Variants in FMN2 observed in about 807,000 individuals in gnomAD.
FMN2 encodes formin-2.
Under a neutral mutation model 142.3 loss-of-function variants are expected in FMN2, and 51 were observed. The observed-to-expected ratio is 0.36, with a 90% CI of 0.29 to 0.45. The LOEUF (loss-of-function observed/expected upper bound fraction) is 0.45, where lower values mean the gene tolerates loss of function less well. FMN2 is among the 20% of genes least tolerant of loss of function. The pLI is 1.00. For synonymous variants in FMN2, 882 were observed against 869.8 expected, an observed-to-expected ratio of 1.01 and a Z score of -0.25; for missense variants, 1,936 against 2,122.8, an observed-to-expected ratio of 0.91 and a Z score of 1.73.
intron 6 of FMN2, among the ~76,000 whole-genome samples, chr1:240,220,593 C>A (rs1483541503): frequency 6.6e-6 from 1 of 151,926 alleles, no homozygotes; most frequent in East Asian, 1.9e-4. Flanking sequence ...ATGTGGTGTC[C>A]CCAGGAAAGC....
intron 16 of FMN2, among the ~76,000 whole-genome samples, chr1:240,454,440 G>T (rs891057140): frequency 1.3e-5 from 2 of 152,136 alleles, no homozygotes; most frequent in Non-Finnish European, 2.9e-5. Flanking sequence ...TACTCAGGAG[G>T]CTGAGGCATG....
intron 15 of FMN2, among the ~76,000 whole-genome samples, chr1:240,430,656 T>TA (rs1406487684): frequency 6.6e-6 from 1 of 151,670 alleles, no homozygotes; most frequent in African/African-American, 2.4e-5. Flanking sequence ...TATTTTTTTT[T>TA]ATTGGAGTAA....
intron 8 of FMN2, among the ~76,000 whole-genome samples, chr1:240,302,199 TTC>T (rs1670224919): frequency 6.6e-6 from 1 of 152,114 alleles, no homozygotes; most frequent in African/African-American, 2.4e-5. Flanking sequence ...TCATTAATAG[TTC>T]TTTTTTTGAG....
intron 2 of FMN2, among the ~76,000 whole-genome samples, chr1:240,137,397 A>G (rs1315387391): frequency 1.3e-5 from 2 of 152,204 alleles, no homozygotes; most frequent in Admixed American, 6.5e-5. Flanking sequence ...GCCACGGACA[A>G]TACGCCACTA....
chr1:240,191,410 A>G (rs949519646), intron 4 of FMN2, among the ~76,000 whole-genome samples: 8 of 152,076 alleles, frequency 5.3e-5, no homozygotes, highest in Non-Finnish European at 1.0e-4. Flanking sequence ...GACTGTAGCT[A>G]CTCCTTGAAT....
chr1:240,366,404 G>A (rs753266092), intron 14 of FMN2, among the ~76,000 whole-genome samples: 1 of 152,052 alleles, frequency 6.6e-6, no homozygotes, highest in Non-Finnish European at 1.5e-5. Flanking sequence ...AGCATACCCT[G>A]CTGCAACTTA....
intron 8 of FMN2, among the ~76,000 whole-genome samples, chr1:240,317,187 G>A (rs906896902): frequency 1.3e-5 from 2 of 152,044 alleles, no homozygotes; most frequent in African/African-American, 2.4e-5. Context: ...GTGGTGGCAC[G>A]CACCTGTAGT....
intron 6 of FMN2, among the ~76,000 whole-genome samples, 199 bp from the exon 7 acceptor site, chr1:240,257,746 A>G (rs187342635): frequency 3.9e-4 from 60 of 152,278 alleles, no homozygotes; most frequent in African/African-American, 1.3e-3. Context: ...ATGGGGGAAA[A>G]TGGTGGATTT....
At chr1:240,432,415 G>T (rs1278554204) in intron 15 of FMN2, among the ~76,000 whole-genome samples, 1 of 151,848 alleles carries the variant, frequency 6.6e-6, no homozygotes, top group East Asian at 1.9e-4. Flanking sequence ...CTGGGTAGGG[G>T]TTTATCAATT....
intron 13 of FMN2, among the ~76,000 whole-genome samples, chr1:240,336,582 A>AC (rs144682452): frequency 9.8e-6 from 1 of 101,842 alleles, no homozygotes; most frequent in African/African-American, 3.3e-5. Context: ...AAAAAAAAAA[A>AC]GGTGGTTGCA....
chr1:240,208,453 G>A lies in FMN2; in HGVS notation c.3641G>A (p.Gly1214Asp). The change falls in exon 5 of 18, where the codon GGT (glycine) becomes GAT (aspartate). Residue 1214 changes from glycine (G) to aspartate (D), a missense_variant. Gly to Asp is a moderately conservative substitution (Grantham distance 94). Coordinates refer to ENST00000319653, the MANE Select transcript of FMN2 (RefSeq NM_020066.5). ...AGIPPPPPLPGMGIPPAPAPP... is the reference protein window; with the variant it reads ...AGIPPPPPLPDMGIPPAPAPP... Reference sequence around the variant, plus strand: ...ATTCCCCCACCTCCTCCCTTGCCAGGTATGGGGATTCCACCTGCTCCAGCT... The same window carrying A: ...ATTCCCCCACCTCCTCCCTTGCCAGATATGGGGATTCCACCTGCTCCAGCT... 6.2e-7 allele frequency: 1 copy of A among 1,607,930 alleles called. No individual in the cohort carries two copies. The highest frequency in any genetic ancestry group is 8.5e-7 in the Non-Finnish European group (1 of 1,177,896).
rs746217458 is a variant in FMN2, at chr1:240,208,443, C to T, written c.3631C>T (p.Pro1211Ser). The T allele has an allele frequency of 8.1e-6, 13 of 1,608,410 alleles. No homozygotes were observed. Among genetic ancestry groups the T allele is most frequent in the African/African-American group, 1.4e-5 (1 of 73,866 alleles). ...TGGTGCTGGGATTCCCCCACCTCCTCCCTTGCCAGGTATGGGGATTCCACC... is the reference window on the plus strand; with the variant it reads ...TGGTGCTGGGATTCCCCCACCTCCTTCCTTGCCAGGTATGGGGATTCCACC... ...LPGAGIPPPPPLPGMGIPPAP... is the reference protein window; with the variant it reads ...LPGAGIPPPPSLPGMGIPPAP... Residue 1211 changes from proline to serine, a missense_variant, in exon 5 of 18, where the codon CCC becomes TCC. Coordinates refer to ENST00000319653, the MANE Select transcript of FMN2 (RefSeq NM_020066.5).
intron 15 of FMN2, among the ~76,000 whole-genome samples, chr1:240,394,542 CAGA>C (rs1206948676): frequency 6.6e-6 from 1 of 152,178 alleles, no homozygotes; most frequent in African/African-American, 2.4e-5. Flanking sequence ...ACAAGCTATC[CAGA>C]AGATCTAAGA....
At chr1:240,365,886 A>G (rs1298145101) in intron 14 of FMN2, among the ~76,000 whole-genome samples, 1 of 152,158 alleles carries the variant, frequency 6.6e-6, no homozygotes, top group East Asian at 1.9e-4. Context: ...TATCACAGCC[A>G]TCTTGCACAT....
At chr1:240,354,964 T>A (rs1478622221) in intron 13 of FMN2, among the ~76,000 whole-genome samples, 3 of 152,178 alleles carry the variant, frequency 2.0e-5, no homozygotes, top group Non-Finnish European at 4.4e-5. Flanking sequence ...TTTCTTGCTA[T>A]TACCAAAATG....
At chr1:240,261,687 C>G (rs1401789092) in intron 7 of FMN2, among the ~76,000 whole-genome samples, 1 of 152,260 alleles carries the variant, frequency 6.6e-6, no homozygotes, top group East Asian at 1.9e-4. Context: ...GCAACACATA[C>G]ATTCAAAAGG....
intron 1 of FMN2, among the ~76,000 whole-genome samples, chr1:240,095,786 C>A (rs1218176155): frequency 6.6e-6 from 1 of 151,980 alleles, no homozygotes; most frequent in Non-Finnish European, 1.5e-5. Flanking sequence ...GTTTAATTTG[C>A]TAAGTATTCC....
At chr1:240,363,986 G>A (rs16839868) in intron 14 of FMN2, among the ~76,000 whole-genome samples, 4,012 of 151,996 alleles carry the variant, frequency 0.026, 178 homozygotes, top group African/African-American at 0.092. Context: ...TGGTGCACTA[G>A]TGGGAAAAAA....
intron 1 of FMN2, among the ~76,000 whole-genome samples, chr1:240,098,868 G>A (rs1252189555): frequency 2.0e-5 from 3 of 152,176 alleles, no homozygotes; most frequent in South Asian, 2.1e-4. Context: ...TAAGCCATGC[G>A]TATTTGAAAT....
Sources: gnomAD v4.1 joint callset for allele counts (sites outside exome capture counted in the v4.1 genomes callset) on GRCh38, gnomAD v4.1.1 for gene constraint, MANE v1.5 for transcripts, NCBI Gene and HGNC (gene_info 2026-07-23, HGNC 2026-07-21) for gene names.